The following IFT74 variants were observed in gnomAD, a reference collection of about 807,000 sequenced individuals.
The protein encoded by IFT74 is intraflagellar transport protein 74 homolog.
A neutral mutation model predicts 96.7 loss-of-function variants in IFT74; 92 were observed. That is an observed-to-expected ratio of 0.95 (90% confidence interval 0.80 to 1.13). IFT74 has a LOEUF of 1.13. IFT74 is among the 50% of genes most tolerant of loss of function. The pLI is 0.00. For missense variants in IFT74, 811 were observed against 698.2 expected (o/e 1.16, Z -1.82); for synonymous variants, 223 against 213.2 (o/e 1.05, Z -0.40).
chr9:26,968,293 G>A (rs1171076059), intron 2 of IFT74, among the ~76,000 whole-genome samples: 3 of 149,306 alleles, frequency 2.0e-5, no homozygotes, highest in Non-Finnish European at 3.0e-5. Flanking sequence ...ATGTAATCTC[G>A]CTCTGTTGCC....
At chr9:27,028,454 A>AT (rs2131641433) in intron 12 of IFT74, among the ~76,000 whole-genome samples, 1 of 152,290 alleles carries the variant, frequency 6.6e-6, no homozygotes, top group South Asian at 2.1e-4. Context: ...GGCTCCAAAT[A>AT]TGAATCAGTA....
intron 8 of IFT74, among the ~76,000 whole-genome samples, chr9:26,992,810 TC>T (rs1267943707): frequency 6.6e-6 from 1 of 152,204 alleles, no homozygotes; most frequent in Non-Finnish European, 1.5e-5. Flanking sequence ...CAAAGATCTA[TC>T]TTGACTCTAC....
intron 8 of IFT74, among the ~76,000 whole-genome samples, chr9:26,992,746 CAGT>C (rs1280519895): frequency 1.3e-5 from 2 of 151,894 alleles, no homozygotes; most frequent in Non-Finnish European, 2.9e-5. Flanking sequence ...TTCTATACAG[CAGT>C]AGAATAGATT....
At chr9:26,947,281 C>T (rs901577285) in intron 1 of IFT74, 4 of 531,692 alleles carry the variant, frequency 7.5e-6, no homozygotes, top group Non-Finnish European at 1.3e-5. Context: ...CTCAGCCCTC[C>T]ATGACGCAGA....
chr9:27,044,098 C>T (rs2131678656), intron 13 of IFT74, among the ~76,000 whole-genome samples: 1 of 152,296 alleles, frequency 6.6e-6, no homozygotes, highest in Admixed American at 6.5e-5. Flanking sequence ...CATTCTCTGC[C>T]TCGGCCATAC....
At position 27,055,038 on chromosome 9, in the gene IFT74, A is replaced by G. The variant is rs529810536; in HGVS notation, c.1334-571A>G. Among the ~76,000 whole-genome samples the G allele has an allele frequency of 2.0e-5, 3 of 152,358 alleles. No individual in the cohort carries two copies. In the East Asian group the frequency reaches 5.8e-4, roughly 29 times the overall value. ...GTAAATAAAATGTCTTTAAACAAACATAAAGCAAGATTATGTATTGGCTAA... is the reference window on the plus strand; with the variant it reads ...GTAAATAAAATGTCTTTAAACAAACGTAAAGCAAGATTATGTATTGGCTAA... On this transcript the variant is annotated intron_variant, in intron 16 of 19. Transcript: ENST00000380062.
rs747034938 is a variant in IFT74 at position 27,016,930 on chromosome 9, A to G, written c.813A>G (p.Lys271=). 2 of 1,606,964 alleles carry G rather than the reference A, an allele frequency of 1.2e-6. No homozygotes were observed. Among genetic ancestry groups the G allele is most frequent in the Admixed American group, 1.7e-5 (1 of 58,874 alleles). The change falls in exon 11 of 20, where the codon AAA becomes AAG. Residue 271 remains lysine, a synonymous_variant. Transcript: ENST00000380062. ...LEAEIAHSQV[K]QEAVLLHEKL... is the part of the protein sequence containing the mutation. ...AGGAAATAGCTCACTCCCAGGTGAAACAGGAGGCGGTATTGCTGCATGAAA... is the reference window on the plus strand; with the variant it reads ...AGGAAATAGCTCACTCCCAGGTGAAGCAGGAGGCGGTATTGCTGCATGAAA...
intron 6 of IFT74, among the ~76,000 whole-genome samples, chr9:26,987,768 A>T (rs946231712): frequency 5.9e-5 from 9 of 152,234 alleles, no homozygotes; most frequent in African/African-American, 2.2e-4. Context: ...GAGTTAACAC[A>T]TATGTAATAG....
chr9:27,002,863 A>G (rs1396393387), intron 8 of IFT74, among the ~76,000 whole-genome samples: 1 of 152,082 alleles, frequency 6.6e-6, no homozygotes, highest in Non-Finnish European at 1.5e-5. Context: ...GCATTGAATC[A>G]GTAAATTGCT....
intron 9 of IFT74, among the ~76,000 whole-genome samples, chr9:27,010,475 C>G (rs1450225165): frequency 6.7e-6 from 1 of 149,736 alleles, no homozygotes; most frequent in Non-Finnish European, 1.5e-5. Flanking sequence ...TCTACTACCC[C>G]CTTTTTTTTG....
intron 8 of IFT74, among the ~76,000 whole-genome samples, chr9:26,992,703 A>C (rs896839149): frequency 4.6e-5 from 7 of 152,132 alleles, no homozygotes; most frequent in Non-Finnish European, 1.0e-4. Context: ...AAAAAAAAAA[A>C]AATAACAAAA....
At chr9:26,968,910 A>T (rs1232531173) in intron 2 of IFT74, among the ~76,000 whole-genome samples, 2 of 150,412 alleles carry the variant, frequency 1.3e-5, no homozygotes, top group African/African-American at 2.4e-5. Flanking sequence ...TTTCAGTTTC[A>T]TTTATTTCTA....
chr9:26,989,232 A>G (rs950510413), intron 7 of IFT74, among the ~76,000 whole-genome samples: 3 of 152,148 alleles, frequency 2.0e-5, no homozygotes, highest in African/African-American at 7.2e-5. Context: ...TAGGAGGGCA[A>G]TAAGGGTGGA....
intron 12 of IFT74, among the ~76,000 whole-genome samples, chr9:27,024,163 T>C (rs1829744154): frequency 6.6e-6 from 1 of 152,212 alleles, no homozygotes; most frequent in African/African-American, 2.4e-5. Context: ...CCAGAGGCCC[T>C]GACTCTGTTC....
At chr9:26,959,916 A>G (rs17756179) in intron 1 of IFT74, among the ~76,000 whole-genome samples, 9,607 of 152,252 alleles carry the variant, frequency 0.063, 356 homozygotes, top group Middle Eastern at 0.15. Context: ...TCCATCAGCA[A>G]TGTTCAGCAC....
intron 8 of IFT74, among the ~76,000 whole-genome samples, chr9:27,002,119 A>G (rs1330131328): frequency 6.6e-6 from 1 of 152,046 alleles, no homozygotes; most frequent in African/African-American, 2.4e-5. Flanking sequence ...GGAGCTACAC[A>G]CTTTTAAACA....
chr9:26,959,924 C>A (rs1826280453), intron 1 of IFT74, among the ~76,000 whole-genome samples: 1 of 152,176 alleles, frequency 6.6e-6, no homozygotes, highest in Non-Finnish European at 1.5e-5. Context: ...CAATGTTCAG[C>A]ACTTCAGATT....
chr9:26,979,980 G>T (rs555586092), intron 3 of IFT74, among the ~76,000 whole-genome samples: 11 of 152,010 alleles, frequency 7.2e-5, no homozygotes, highest in Non-Finnish European at 1.5e-4. Context: ...CTCCCAAAGT[G>T]CTGGGATTAC....
chr9:27,027,569 G>C (rs1829924354), intron 12 of IFT74, among the ~76,000 whole-genome samples: 1 of 152,134 alleles, frequency 6.6e-6, no homozygotes, highest in Admixed American at 6.5e-5. Flanking sequence ...GATGGCTAAT[G>C]ATGTTGAGGT....
Sources: allele counts gnomAD v4.1 joint callset (sites outside exome capture counted in the v4.1 genomes callset), GRCh38; gene constraint gnomAD v4.1.1; transcripts MANE v1.5; gene names NCBI Gene and HGNC (gene_info 2026-07-23, HGNC 2026-07-21).